The following IQCB1 variants were observed in gnomAD, a reference collection of about 807,000 sequenced individuals.
IQCB1 encodes IQ motif containing B1.
A neutral mutation model predicts 84.4 loss-of-function variants in IQCB1; 56 were observed. The ratio of observed to expected loss-of-function variants is 0.66; its 90% CI spans 0.54 to 0.83. The LOEUF (loss-of-function observed/expected upper bound fraction) is 0.83. Among genes scored for constraint, IQCB1 ranks in the 40% least tolerant of loss-of-function variants. The pLI is 0.00. For synonymous variants in IQCB1, 210 were observed against 234.8 expected (o/e 0.89, Z 0.96); for missense variants, 629 against 682.1 (o/e 0.92, Z 0.87).
intron 14 of IQCB1, among the ~76,000 whole-genome samples, chr3:121,772,066 CG>C (rs1466545243): frequency 6.6e-6 from 1 of 151,842 alleles, no homozygotes; most frequent in East Asian, 1.9e-4. Context: ...CCCAGCTACT[CG>C]GGGAGGCTGA....
At position 121,788,279 on chromosome 3, in the gene IQCB1, C is replaced by T; in HGVS notation, c.1278+5G>A. 6.2e-7 allele frequency: 1 copy of T among 1,613,712 alleles called. No homozygotes were observed. Among genetic ancestry groups the T allele is most frequent in the Non-Finnish European group, 8.5e-7 (1 of 1,179,758 alleles). ...TCAGAGCTCTTTTCACTACATTAGA[C>T]TCACTGCTCTTTGAAGTGTGACAGC... On this transcript the variant is annotated splice_donor_5th_base_variant and intron_variant, in intron 12 of 14. Transcript: ENST00000310864.
At chr3:121,825,061 CTT>C (rs1553721684) in intron 5 of IQCB1, among the ~76,000 whole-genome samples, 4 of 83,730 alleles carry the variant, frequency 4.8e-5, no homozygotes, top group East Asian at 2.7e-4. Flanking sequence ...TTTTTCTTTT[CTT>C]TTTTTTTTTT....
chr3:121,789,098 G>A (rs1040562610), intron 11 of IQCB1, among the ~76,000 whole-genome samples: 1 of 152,182 alleles, frequency 6.6e-6, no homozygotes, highest in African/African-American at 2.4e-5. Flanking sequence ...AAGGAAATCT[G>A]AGGGGTAAGA....
At chr3:121,820,912 A>T (rs1950249170) in intron 5 of IQCB1, among the ~76,000 whole-genome samples, 1 of 130,678 alleles carries the variant, frequency 7.7e-6, no homozygotes, top group African/African-American at 3.0e-5. Flanking sequence ...GCATACTCTT[A>T]TGTCTCCTCA....
chr3:121,817,431 A>AAAAAG (rs775315965), intron 5 of IQCB1, among the ~76,000 whole-genome samples: 4 of 152,188 alleles, frequency 2.6e-5, no homozygotes, highest in East Asian at 1.9e-4. Flanking sequence ...ATAATAAAAA[A>AAAAAG]AAAAGAAAAG....
intron 4 of IQCB1, among the ~76,000 whole-genome samples, chr3:121,827,950 C>T (rs565711317): frequency 6.6e-6 from 1 of 152,074 alleles, no homozygotes; most frequent in Non-Finnish European, 1.5e-5. Context: ...GTAAATTCTA[C>T]TTCTAAATTT....
chr3:121,786,176 A>AAAAGAAAAGAAAAGAAAAGG (rs1948717266), intron 12 of IQCB1, among the ~76,000 whole-genome samples: 1 of 134,206 alleles, frequency 7.5e-6, no homozygotes, highest in South Asian at 2.7e-4. Context: ...GTCTCAAAAG[A>AAAAGAAAAGAAAAGAAAAGG]AAAGAAAAGA....
intron 13 of IQCB1, 108 bp from the exon 14 acceptor site, chr3:121,772,821 T>C: frequency 1.0e-6 from 1 of 955,740 alleles, no homozygotes. Context: ...ATTTTATCAA[T>C]TGAATCTTAT....
chr3:121,776,107 T>G (rs775272942), intron 13 of IQCB1, among the ~76,000 whole-genome samples: 1 of 152,088 alleles, frequency 6.6e-6, no homozygotes, highest in African/African-American at 2.4e-5. Context: ...TCACCCAGGA[T>G]AGAGTGCAGT....
intron 2 of IQCB1, among the ~76,000 whole-genome samples, chr3:121,832,230 G>A (rs1002496679): frequency 2.6e-5 from 4 of 151,696 alleles, no homozygotes; most frequent in African/African-American, 9.7e-5. Context: ...TTTCATACAT[G>A]GATAGGAATC....
chr3:121,773,936 T>C (rs968297834), intron 13 of IQCB1, among the ~76,000 whole-genome samples: 4 of 151,734 alleles, frequency 2.6e-5, no homozygotes, highest in African/African-American at 9.7e-5. Flanking sequence ...TTAAAAACCT[T>C]GGTGCACCAA....
chr3:121,832,996 A>G (rs112816565), intron 2 of IQCB1, among the ~76,000 whole-genome samples: 2 of 152,352 alleles, frequency 1.3e-5, no homozygotes, highest in Admixed American at 6.5e-5. Context: ...CTTAGTTTCT[A>G]GTAATTTAAT....
chr3:121,789,956 A>G (rs931391524), intron 11 of IQCB1, 117 bp downstream of exon 11: 118 of 860,430 alleles, frequency 1.4e-4, no homozygotes, highest in Non-Finnish European at 1.5e-5. Context: ...TCTGAAAAAC[A>G]GAGAAAAAGG....
intron 7 of IQCB1, among the ~76,000 whole-genome samples, chr3:121,806,237 A>G (rs1390151476): frequency 6.6e-6 from 1 of 152,126 alleles, no homozygotes; most frequent in African/African-American, 2.4e-5. Context: ...ACAAGTTATC[A>G]TTACTTCACT....
At chr3:121,827,541 A>T (rs926795578) in intron 4 of IQCB1, among the ~76,000 whole-genome samples, 1 of 152,148 alleles carries the variant, frequency 6.6e-6, no homozygotes, top group Non-Finnish European at 1.5e-5. Flanking sequence ...ATATCATCAT[A>T]AACTAGCATA....
At position 121,790,112 on chromosome 3, in the gene IQCB1, G is replaced by A. The variant is rs727503968; in HGVS notation, c.1090C>T (p.Arg364Ter). 53 of 1,613,438 alleles carry A rather than the reference G, an allele frequency of 3.3e-5. No individual in the cohort carries two copies. In the East Asian group the frequency reaches 4.2e-4, roughly 13 times the overall value. ...LQRQRAMRLSRELQLSMLEIV... is the reference protein window; with the variant it reads ...LQRQRAMRLS ...TCGAGCATACTCAGCTGCAATTCTC[G>A]GGAAAGTCTCATGGCTCTCTGTCTT... The change falls in exon 11 of 15, where the codon CGA (arginine) becomes TGA (stop). Residue 364 changes from arginine to a stop codon, truncating the protein, a stop_gained. Coordinates refer to ENST00000310864, the MANE Select transcript of IQCB1 (RefSeq NM_001023570.4). LOFTEE classifies it high-confidence loss of function.
At chr3:121,794,515 A>G (rs563146777) in intron 10 of IQCB1, among the ~76,000 whole-genome samples, 2 of 152,262 alleles carry the variant, frequency 1.3e-5, no homozygotes, top group East Asian at 1.9e-4. Context: ...CATATATCAT[A>G]TACTAGGCAT....
intron 8 of IQCB1, among the ~76,000 whole-genome samples, chr3:121,798,583 T>C (rs547167224): frequency 9.9e-5 from 15 of 152,060 alleles, no homozygotes; most frequent in Non-Finnish European, 1.9e-4. Context: ...TCCCATAGGA[T>C]TGTTGTAAAG....
chr3:121,818,295 A>G (rs999506624), intron 5 of IQCB1, among the ~76,000 whole-genome samples: 1 of 152,234 alleles, frequency 6.6e-6, no homozygotes, highest in African/African-American at 2.4e-5. Flanking sequence ...ATATTAATAT[A>G]ATGTATTCAT....
Sources: allele counts gnomAD v4.1 joint callset (sites outside exome capture counted in the v4.1 genomes callset), GRCh38; gene constraint gnomAD v4.1.1; transcripts MANE v1.5; gene names NCBI Gene and HGNC (gene_info 2026-07-23, HGNC 2026-07-21).